The following FAM135B variants were observed in gnomAD, a reference collection of about 807,000 sequenced individuals.
FAM135B encodes protein FAM135B.
Under a neutral mutation model 127.7 loss-of-function variants are expected in FAM135B, and 43 were observed. That is an observed-to-expected ratio of 0.34 (90% CI 0.26 to 0.43). The LOEUF (loss-of-function observed/expected upper bound fraction) is 0.43, where lower values mean the gene tolerates loss of function less well. FAM135B is among the 20% of genes least tolerant of loss of function. FAM135B has a pLI of 1.00. For missense variants in FAM135B, 1,558 were observed against 1,725.6 expected (o/e 0.90, Z 1.72); for synonymous variants, 670 against 665.1 (o/e 1.01, Z -0.11).
chr8:138,264,759 C>T (rs569256394), intron 4 of FAM135B, among the ~76,000 whole-genome samples: 3 of 152,018 alleles, frequency 2.0e-5, no homozygotes, highest in East Asian at 1.9e-4. Context: ...CTGGTCACTA[C>T]CTAGATAACA....
intron 7 of FAM135B, among the ~76,000 whole-genome samples, chr8:138,234,953 C>T (rs1299474942): frequency 1.3e-5 from 2 of 152,202 alleles, no homozygotes; most frequent in Non-Finnish European, 1.5e-5. Context: ...CATAGGCCTC[C>T]TTCATCCATA....
Position 138,470,203 on chromosome 8 carries a change from T to C in FAM135B, c.-20+26468A>G, listed in dbSNP as rs1406915932. ...TAAGACAGGAGAAAACACAAAACTTTAGAGAAATGTCTCCTAAACATTTTA... is the reference window on the plus strand; with the variant it reads ...TAAGACAGGAGAAAACACAAAACTTCAGAGAAATGTCTCCTAAACATTTTA... On this transcript the variant is annotated intron_variant, in intron 1 of 19. Transcript: ENST00000395297. Among the ~76,000 whole-genome samples the C allele has an allele frequency of 2.6e-5, 4 of 152,208 alleles. No homozygotes were observed. The East Asian group carries it at 7.7e-4, about 29-fold the overall frequency.
At chr8:138,458,854 G>A (rs1174629356) in intron 1 of FAM135B, among the ~76,000 whole-genome samples, 1 of 152,180 alleles carries the variant, frequency 6.6e-6, no homozygotes, top group Non-Finnish European at 1.5e-5. Flanking sequence ...AATTCAGAGG[G>A]AGTAGCAAAT....
At chr8:138,177,485 T>A in intron 10 of FAM135B, 65 bp from the exon 11 acceptor site, 1 of 1,379,328 alleles carries the variant, frequency 7.2e-7, no homozygotes, top group Non-Finnish European at 1.0e-6. Flanking sequence ...CTTTCTTTTT[T>A]TTTAATTGAG....
chr8:138,391,529 CT>C (rs1039813351), intron 1 of FAM135B, among the ~76,000 whole-genome samples: 16 of 152,248 alleles, frequency 1.1e-4, no homozygotes, highest in African/African-American at 3.6e-4. Context: ...GACCTAAGCT[CT>C]TCAACCTGCA....
At position 138,230,746 on chromosome 8, in the gene FAM135B, A is replaced by C. The variant is rs7843318; in HGVS notation, c.669+12196T>G. Among the ~76,000 whole-genome samples, 1,087 of 152,288 alleles carry C rather than the reference A, an allele frequency of 7.1e-3. 8 individuals carry two copies. Among genetic ancestry groups the C allele is most frequent in the African/African-American group, 0.024 (988 of 41,560 alleles). Reference sequence around the variant, plus strand: ...ACTTTGGGGACTATATGTTTTTTAAAGCCTACCTCTTGCCCTACAGCACCA... The same window carrying C: ...ACTTTGGGGACTATATGTTTTTTAACGCCTACCTCTTGCCCTACAGCACCA... On this transcript the variant is annotated intron_variant, in intron 7 of 19. Transcript: ENST00000395297.
chr8:138,339,341 G>T (rs914814326), intron 2 of FAM135B, among the ~76,000 whole-genome samples: 19 of 128,278 alleles, frequency 1.5e-4, no homozygotes, highest in African/African-American at 5.1e-4. Context: ...GTTGCATCCT[G>T]TTTAAAAAAC....
chr8:138,189,213 G>A (rs34091786), intron 9 of FAM135B, among the ~76,000 whole-genome samples: 9,154 of 152,182 alleles, frequency 0.06, 635 homozygotes, highest in African/African-American at 0.17. Flanking sequence ...GCGTTGCTTC[G>A]CAGAGGCATC....
intron 2 of FAM135B, among the ~76,000 whole-genome samples, chr8:138,340,967 T>G (rs1432186798): frequency 6.6e-6 from 1 of 152,224 alleles, no homozygotes; most frequent in African/African-American, 2.4e-5. Context: ...AGCACTTTCC[T>G]AGTATAGGAA....
At chr8:138,485,850 G>A (rs998659558) in intron 1 of FAM135B, among the ~76,000 whole-genome samples, 1 of 152,076 alleles carries the variant, frequency 6.6e-6, no homozygotes, top group African/African-American at 2.4e-5. Context: ...GCTAAGAGAC[G>A]AGGCCATGTT....
chr8:138,271,286 A>C (rs1314493498), intron 3 of FAM135B, among the ~76,000 whole-genome samples: 2 of 152,212 alleles, frequency 1.3e-5, no homozygotes, highest in Middle Eastern at 3.2e-3. Flanking sequence ...TCTATCTCAA[A>C]GAATATAAAA....
intron 7 of FAM135B, among the ~76,000 whole-genome samples, chr8:138,221,005 T>C (rs1563786537): frequency 1.3e-5 from 2 of 152,202 alleles, no homozygotes; most frequent in Non-Finnish European, 2.9e-5. Context: ...GACCTACTAT[T>C]GTTTATTCTA....
At chr8:138,148,008 C>A (rs1213001981) in intron 14 of FAM135B, among the ~76,000 whole-genome samples, 1 of 152,046 alleles carries the variant, frequency 6.6e-6, no homozygotes, top group Non-Finnish European at 1.5e-5. Flanking sequence ...ACATAGGTAG[C>A]AAGATAGTCT....
intron 1 of FAM135B, among the ~76,000 whole-genome samples, chr8:138,385,317 A>C (rs541489161): frequency 6.6e-6 from 1 of 152,228 alleles, no homozygotes; most frequent in South Asian, 2.1e-4. Context: ...CTTGATTTTC[A>C]TGTCCTCTCT....
At chr8:138,433,562 T>TAAATAAATA in intron 1 of FAM135B, among the ~76,000 whole-genome samples, 1 of 134,994 alleles carries the variant, frequency 7.4e-6, no homozygotes. Flanking sequence ...AATAAATAAA[T>TAAATAAATA]AAATAAAATA....
At chr8:138,149,023 T>G (rs901222917) in intron 13 of FAM135B, among the ~76,000 whole-genome samples, 1 of 150,410 alleles carries the variant, frequency 6.6e-6, no homozygotes, top group South Asian at 2.1e-4. Context: ...GAGATATACC[T>G]AACGTAAATG....
chr8:138,369,568 A>C (rs1395199933), intron 1 of FAM135B, among the ~76,000 whole-genome samples: 2 of 152,218 alleles, frequency 1.3e-5, no homozygotes, highest in African/African-American at 2.4e-5. Context: ...ACAGAATTTC[A>C]ATCTGGCAAA....
chr8:138,196,121 T>A (rs1008647938), intron 8 of FAM135B, among the ~76,000 whole-genome samples: 10 of 152,208 alleles, frequency 6.6e-5, no homozygotes, highest in African/African-American at 2.2e-4. Context: ...ATCTGACACA[T>A]AGTACATGTC....
Position 138,192,278 on chromosome 8 carries a change from C to T in FAM135B, c.873+2980G>A, listed in dbSNP as rs1816197982. 3.3e-5 allele frequency among the ~76,000 whole-genome samples: 5 copies of T among 152,316 alleles called. No homozygotes were observed. In the South Asian group the frequency reaches 1.0e-3, roughly 32 times the overall value. ...TCTTGATTCTAACCTCCAAGCTGTC[C>T]TTGTTCATTCCTGGGCATAGGCCAT... On this transcript the variant is annotated intron_variant, in intron 9 of 19. Coordinates refer to ENST00000395297, the MANE Select transcript of FAM135B (RefSeq NM_015912.4).
Sources: allele counts gnomAD v4.1 joint callset (sites outside exome capture counted in the v4.1 genomes callset), GRCh38; gene constraint gnomAD v4.1.1; transcripts MANE v1.5; gene names NCBI Gene and HGNC (gene_info 2026-07-23, HGNC 2026-07-21).